Variants in ATRNL1 observed in about 807,000 individuals in gnomAD.
The protein encoded by ATRNL1 is attractin like 1.
In ATRNL1, 95 loss-of-function variants were observed where a neutral mutation model predicts 182.7. The observed-to-expected ratio is 0.52, with a 90% CI of 0.44 to 0.62. The LOEUF is 0.62. Ranked by LOEUF, ATRNL1 falls within the 20% of genes least tolerant of loss-of-function variation. The pLI, the probability that ATRNL1 is intolerant of heterozygous loss-of-function variation, is 0.00. For missense variants in ATRNL1, 1,471 were observed against 1,679.5 expected (o/e 0.88, Z 2.17); for synonymous variants, 576 against 568.3 (o/e 1.01, Z -0.19).
intron 9 of ATRNL1, among the ~76,000 whole-genome samples, chr10:115,241,054 C>T (rs1444255941): frequency 1.3e-5 from 2 of 151,822 alleles, no homozygotes; most frequent in East Asian, 3.9e-4. Context: ...GTGCTGATTA[C>T]TTAGTTGTGT....
chr10:115,229,862 A>G (rs1185347809), intron 9 of ATRNL1, among the ~76,000 whole-genome samples: 1 of 152,128 alleles, frequency 6.6e-6, no homozygotes, highest in East Asian at 1.9e-4. Flanking sequence ...TATGGACAAA[A>G]GACTGTATGA....
chr10:115,495,825 G>A (rs1260628619), intron 24 of ATRNL1, among the ~76,000 whole-genome samples: 1 of 152,012 alleles, frequency 6.6e-6, no homozygotes, highest in Non-Finnish European at 1.5e-5. Context: ...TTCTGTAGAT[G>A]TATGTTAGGT....
chr10:115,104,492 A>G (rs569602117), intron 1 of ATRNL1, among the ~76,000 whole-genome samples: 10 of 152,138 alleles, frequency 6.6e-5, no homozygotes, highest in Admixed American at 3.3e-4. Flanking sequence ...CATTCTGTGG[A>G]TCGTCTCTTC....
intron 26 of ATRNL1, among the ~76,000 whole-genome samples, chr10:115,609,410 T>C (rs572698356): frequency 1.3e-5 from 2 of 151,884 alleles, no homozygotes; most frequent in Non-Finnish European, 2.9e-5. Flanking sequence ...AACTCCTGAG[T>C]TGAAGTAATA....
intron 25 of ATRNL1, among the ~76,000 whole-genome samples, chr10:115,524,123 TTAA>T (rs2133716764): frequency 6.6e-6 from 1 of 152,228 alleles, no homozygotes; most frequent in South Asian, 2.1e-4. Context: ...CCAGACTCTT[TTAA>T]ATAACCAGCT....
At chr10:115,121,672 T>C in intron 2 of ATRNL1, 27 bp from the exon 3 acceptor site, 1 of 1,058,596 alleles carries the variant, frequency 9.4e-7, no homozygotes, top group Non-Finnish European at 1.4e-6. Flanking sequence ...TATTTTAATT[T>C]GAAAAATATT....
intron 24 of ATRNL1, among the ~76,000 whole-genome samples, chr10:115,470,245 T>C (rs1156575485): frequency 6.6e-6 from 1 of 150,382 alleles, no homozygotes; most frequent in Non-Finnish European, 1.5e-5. Context: ...CTTCTTATTT[T>C]TAAGGTTGAT....
At chr10:115,720,259 A>G (rs1167283651) in intron 26 of ATRNL1, among the ~76,000 whole-genome samples, 2 of 152,180 alleles carry the variant, frequency 1.3e-5, no homozygotes, top group Non-Finnish European at 2.9e-5. Flanking sequence ...ATTTAATTAC[A>G]AAGAATCGCC....
intron 27 of ATRNL1, among the ~76,000 whole-genome samples, chr10:115,800,091 G>A (rs567918420): frequency 9.9e-5 from 15 of 152,036 alleles, no homozygotes; most frequent in Middle Eastern, 3.4e-3. Context: ...GTGGTGGTGC[G>A]TGCCTGTAAT....
At chr10:115,133,997 A>G (rs1251421055) in intron 5 of ATRNL1, among the ~76,000 whole-genome samples, 7 of 152,146 alleles carry the variant, frequency 4.6e-5, no homozygotes, top group African/African-American at 4.8e-5. Flanking sequence ...CTTGAAACCA[A>G]TGAGAACAAA....
chr10:115,320,273 G>T (rs1274817225), intron 18 of ATRNL1, among the ~76,000 whole-genome samples: 1 of 152,130 alleles, frequency 6.6e-6, no homozygotes, highest in Non-Finnish European at 1.5e-5. Context: ...CTATTAGTCT[G>T]TTGGGCTTCC....
At chr10:115,570,261 C>A (rs1592868419) in intron 26 of ATRNL1, among the ~76,000 whole-genome samples, 2 of 152,178 alleles carry the variant, frequency 1.3e-5, no homozygotes, top group East Asian at 3.9e-4. Flanking sequence ...CACACCTGGC[C>A]TCTGCCATCT....
At chr10:115,409,781 A>T (rs1233126353) in intron 20 of ATRNL1, among the ~76,000 whole-genome samples, 1 of 152,214 alleles carries the variant, frequency 6.6e-6, no homozygotes, top group Non-Finnish European at 1.5e-5. Context: ...AATATCCCTG[A>T]TGAACATGTA....
At chr10:115,384,906 T>G (rs1000279482) in intron 19 of ATRNL1, among the ~76,000 whole-genome samples, 4 of 152,136 alleles carry the variant, frequency 2.6e-5, no homozygotes, top group African/African-American at 9.6e-5. Context: ...ACATTTTGTT[T>G]ATTCCATCAC....
At chr10:115,452,887 T>C (rs1847346043) in intron 21 of ATRNL1, among the ~76,000 whole-genome samples, 1 of 152,072 alleles carries the variant, frequency 6.6e-6, no homozygotes, top group African/African-American at 2.4e-5. Context: ...ACCTTTCTAT[T>C]CTCTGCATGT....
At chr10:115,660,388 T>C (rs113312939) in intron 26 of ATRNL1, among the ~76,000 whole-genome samples, 2 of 152,212 alleles carry the variant, frequency 1.3e-5, no homozygotes, top group African/African-American at 4.8e-5. Context: ...AAGGCAGCAA[T>C]AGATAAATCT....
At chr10:115,656,620 T>C (rs1860350571) in intron 26 of ATRNL1, among the ~76,000 whole-genome samples, 1 of 152,132 alleles carries the variant, frequency 6.6e-6, no homozygotes, top group Non-Finnish European at 1.5e-5. Flanking sequence ...TTGGTTCGAA[T>C]ATGAATGAAT....
At chr10:115,589,346 G>T (rs567408466) in intron 26 of ATRNL1, among the ~76,000 whole-genome samples, 1 of 152,222 alleles carries the variant, frequency 6.6e-6, no homozygotes, top group Non-Finnish European at 1.5e-5. Flanking sequence ...TGGTCAAAAA[G>T]AGGGCTTCCT....
chr10:115,607,450 T>G (rs1856929888), intron 26 of ATRNL1, among the ~76,000 whole-genome samples: 1 of 151,828 alleles, frequency 6.6e-6, no homozygotes, highest in Non-Finnish European at 1.5e-5. Context: ...TTGTGTCTTA[T>G]TTACATAATC....
Sources: allele counts gnomAD v4.1 joint callset (sites outside exome capture counted in the v4.1 genomes callset), GRCh38; gene constraint gnomAD v4.1.1; transcripts MANE v1.5; gene names NCBI Gene and HGNC (gene_info 2026-07-23, HGNC 2026-07-21).